Variants in DNAH17 observed in about 807,000 individuals in gnomAD.
The protein encoded by DNAH17 is dynein axonemal heavy chain 17, also known as axonemal beta dynein heavy chain 17.
Under a neutral mutation model 485.6 loss-of-function variants are expected in DNAH17, and 376 were observed. The observed-to-expected ratio is 0.77, with a 90% CI of 0.71 to 0.84. DNAH17 has a LOEUF of 0.84. Ranked by LOEUF, DNAH17 falls within the 40% of genes least tolerant of loss-of-function variation. The pLI is 0.00. For missense variants in DNAH17, 6,370 were observed against 5,839.3 expected (o/e 1.09, Z -2.96); for synonymous variants, 3,031 against 2,405.9 (o/e 1.26, Z -7.60).
chr17:78,477,111 G>A (rs1374168306), intron 51 of DNAH17, among the ~76,000 whole-genome samples: 1 of 152,192 alleles, frequency 6.6e-6, no homozygotes, highest in Non-Finnish European at 1.5e-5. Context: ...TCCTGGCTTG[G>A]CCATTTACTA....
Position 78,476,894 on chromosome 17 carries a change from G to A in DNAH17, c.7993-161C>T, listed in dbSNP as rs16966826. Among the ~76,000 whole-genome samples, 6,094 of 152,182 alleles carry A rather than the reference G, an allele frequency of 0.04. 389 individuals are homozygous for A. The highest frequency in any genetic ancestry group is 0.14 in the African/African-American group (5,640 of 41,496). On this transcript the variant is annotated intron_variant, in intron 51 of 80. Transcript: ENST00000389840. Reference sequence around the variant, plus strand: ...TGGGGCCAGGGAAGCCACTCATCACGGAGGTCCCAAAAATCCCGGATGCCA... The same window carrying A: ...TGGGGCCAGGGAAGCCACTCATCACAGAGGTCCCAAAAATCCCGGATGCCA...
intron 31 of DNAH17, 158 bp from the exon 32 acceptor site, chr17:78,503,169 CTTTTTTTTTTTTTT>C (rs397856727): frequency 7.1e-5 from 9 of 127,604 alleles, no homozygotes; most frequent in South Asian, 3.4e-4. Context: ...AGTGACACAC[CTTTTTTTTTTTTTT>C]TTTTTTTTTT....
At chr17:78,478,509 TCACCCTCACCACCAC>T (rs1461102191) in intron 51 of DNAH17, among the ~76,000 whole-genome samples, 1 of 148,492 alleles carries the variant, frequency 6.7e-6, no homozygotes, top group Non-Finnish European at 1.5e-5. Context: ...ATCACCACCA[TCACCCTCACCACCAC>T]CATCACTATC....
At chr17:78,467,931 T>G (rs2088555451) in intron 55 of DNAH17, among the ~76,000 whole-genome samples, 1 of 150,688 alleles carries the variant, frequency 6.6e-6, no homozygotes, top group African/African-American at 2.4e-5. Flanking sequence ...GGCTGGAGAA[T>G]CATTTTAACC....
chr17:78,570,881 AAAAAGAAAAG>A lies in DNAH17; in HGVS notation c.918+57_918+66del, dbSNP rs878910819. 3.9e-4 allele frequency: 315 copies of A among 814,178 alleles called. 2 individuals carry two copies. In the African/African-American group the frequency reaches 4.1e-3, roughly 11 times the overall value. 50.4% of individuals were successfully genotyped at this position (814,178 alleles called of 1,614,324 possible). On this transcript the variant is annotated intron_variant, in intron 6 of 80. Coordinates refer to ENST00000389840, the MANE Select transcript of DNAH17 (RefSeq NM_173628.4). ...CAAAAAAAAAAAAAAAAAAAAAAGA[AAAAAGAAAAG>A]AAAAGAAAAGAAACAAGACCCTCCC...
At chr17:78,488,766 A>G (rs1174550049) in intron 44 of DNAH17, among the ~76,000 whole-genome samples, 6 of 152,124 alleles carry the variant, frequency 3.9e-5, no homozygotes, top group Non-Finnish European at 2.9e-5. Context: ...CCTGAATCCA[A>G]TGACTGTGTC....
At chr17:78,569,339 T>A in intron 8 of DNAH17, 36 bp downstream of exon 8, 1 of 1,610,104 alleles carries the variant, frequency 6.2e-7, no homozygotes, top group Non-Finnish European at 8.5e-7. Context: ...AACTCACTCG[T>A]CCTGCCTTGG....
chr17:78,565,640 G>A (rs535199401), intron 11 of DNAH17, among the ~76,000 whole-genome samples: 2 of 152,308 alleles, frequency 1.3e-5, no homozygotes, highest in African/African-American at 2.4e-5. Flanking sequence ...GGGAAACATA[G>A]CAAAACCTTG....
In DNAH17 at chr17:78,514,876, G is replaced by T. The variant is rs769351715; in HGVS notation, c.4011C>A (p.Asp1337Glu). Residue 1337 changes from aspartate to glutamate, a missense_variant, in exon 26 of 81, where the codon GAC becomes GAA. Physicochemically the swap from Asp to Glu is conservative, Grantham distance 45. Coordinates refer to ENST00000389840, the MANE Select transcript of DNAH17 (RefSeq NM_173628.4). ...ACGTGATCACGTTTTTCACGGTGTT[G>T]TCGAGCCCCACGAAGGCATCCCAGG... The part of the protein sequence containing the change: ...MKTWDAFVGL[D>E]NTVKNVITSL... The T allele has an allele frequency of 6.2e-7, 1 of 1,614,072 alleles. No individual in the cohort carries two copies. The highest frequency in any genetic ancestry group is 8.5e-7 in the Non-Finnish European group (1 of 1,179,908).
At chr17:78,506,923 A>G in intron 29 of DNAH17, 77 bp from the exon 30 acceptor site, 2 of 1,581,438 alleles carry the variant, frequency 1.3e-6, no homozygotes, top group East Asian at 2.2e-5. Context: ...CTGTCGGCGA[A>G]GGAAACTGAT....
In DNAH17 at chr17:78,571,718, G is replaced by T; in HGVS notation, c.604C>A (p.His202Asn). ...AIETTIIDWS[H>N]QIRDVLSKDS... is the part of the protein sequence containing the mutation. The stretch of plus-strand genomic sequence containing the variant: ...TTGCTCAGCACATCCCGGATCTGGT[G>T]GGACCAGTCGATGATGGTGGTTTCA... The change falls in exon 4 of 81, where the codon CAC (histidine) becomes AAC (asparagine). Residue 202 changes from histidine (H) to asparagine (N), a missense_variant. His to Asn is a moderately conservative substitution (Grantham distance 68). Coordinates refer to ENST00000389840, the MANE Select transcript of DNAH17 (RefSeq NM_173628.4). 1.2e-6 allele frequency: 2 copies of T among 1,613,472 alleles called. No individual in the cohort carries two copies. Among genetic ancestry groups the T allele is most frequent in the Non-Finnish European group, 1.7e-6 (2 of 1,179,560 alleles).
At chr17:78,435,884 AG>A (rs2086836800) in intron 74 of DNAH17, among the ~76,000 whole-genome samples, 1 of 152,198 alleles carries the variant, frequency 6.6e-6, no homozygotes, top group Non-Finnish European at 1.5e-5. Context: ...AGGCCAAGGC[AG>A]GAGGCGTGTG....
intron 69 of DNAH17, among the ~76,000 whole-genome samples, chr17:78,449,092 G>A (rs905843926): frequency 2.0e-5 from 3 of 152,160 alleles, no homozygotes; most frequent in African/African-American, 7.2e-5. Context: ...AGTGGGCTAA[G>A]CACTAATGCA....
intron 62 of DNAH17, among the ~76,000 whole-genome samples, 186 bp from the exon 63 acceptor site, chr17:78,456,022 G>A (rs1439636503): frequency 1.5e-4 from 23 of 152,228 alleles, no homozygotes; most frequent in Admixed American, 1.1e-3. Flanking sequence ...CTTTGTGGCC[G>A]GGCGTGGTGG....
intron 22 of DNAH17, among the ~76,000 whole-genome samples, chr17:78,528,361 A>T (rs1465870838): frequency 6.6e-6 from 1 of 151,782 alleles, no homozygotes; most frequent in East Asian, 2.0e-4. Context: ...CCTGGGCTCA[A>T]CTGATCCTCC....
chr17:78,546,635 G>A (rs994203503), intron 16 of DNAH17, among the ~76,000 whole-genome samples: 10 of 152,172 alleles, frequency 6.6e-5, no homozygotes, highest in Non-Finnish European at 1.2e-4. Flanking sequence ...GCTGGGCATG[G>A]TGATTCATGC....
At position 78,459,220 on chromosome 17, in the gene DNAH17, A is replaced by T. The variant is rs747389094; in HGVS notation, c.9654-12T>A. 9 of 1,612,854 alleles carry T rather than the reference A, an allele frequency of 5.6e-6. No homozygotes were observed. The highest frequency in any genetic ancestry group is 1.7e-4 in the Middle Eastern group (1 of 6,008). The stretch of plus-strand genomic sequence containing the variant: ...TGCCTTGGTAGGGCCTAGCGAGGGA[A>T]CCAGAGGGCCGGAGTCGTCACCCTG... On this transcript the variant is annotated splice_polypyrimidine_tract_variant and intron_variant, in intron 60 of 80. Transcript: ENST00000389840.
intron 10 of DNAH17, 31 bp downstream of exon 10, chr17:78,566,968 C>T (rs1303672239): frequency 6.3e-7 from 1 of 1,589,492 alleles, no homozygotes; most frequent in Admixed American, 1.8e-5. Flanking sequence ...CTCACCGAGT[C>T]CAGTTCATCC....
intron 74 of DNAH17, among the ~76,000 whole-genome samples, chr17:78,435,586 CCTGT>C (rs1445377090): frequency 5.9e-5 from 9 of 152,188 alleles, no homozygotes; most frequent in African/African-American, 2.2e-4. Flanking sequence ...TGCCCCGATC[CCTGT>C]CTGTCGCTGA....
Sources: gnomAD v4.1 joint callset for allele counts (sites outside exome capture counted in the v4.1 genomes callset) on GRCh38, gnomAD v4.1.1 for gene constraint, MANE v1.5 for transcripts, NCBI Gene and HGNC (gene_info 2026-07-23, HGNC 2026-07-21) for gene names.